The following KCNN2 variants were observed in gnomAD, a reference collection of about 807,000 sequenced individuals.
The protein encoded by KCNN2 is potassium calcium-activated channel subfamily N member 2.
A neutral mutation model predicts 55.5 loss-of-function variants in KCNN2; 24 were observed. That is an observed-to-expected ratio of 0.43 (90% CI 0.31 to 0.61). The LOEUF is 0.61. Among genes scored for constraint, KCNN2 ranks in the 20% least tolerant of loss-of-function variants. The pLI, the probability that KCNN2 is intolerant of heterozygous loss-of-function variation, is 0.08. For missense variants in KCNN2, 754 were observed against 853.6 expected (o/e 0.88, Z 1.45); for synonymous variants, 431 against 336.1 (o/e 1.28, Z -3.09).
intron 1 of KCNN2, among the ~76,000 whole-genome samples, chr5:114,187,485 G>T (rs1190934257): frequency 6.8e-6 from 1 of 146,556 alleles, no homozygotes; most frequent in Non-Finnish European, 1.5e-5. Context: ...CTATTAATAT[G>T]TAAATAGATG....
intron 1 of KCNN2, among the ~76,000 whole-genome samples, chr5:114,086,984 TGTGAGATGGTATCTCATC>T (rs371401631): frequency 0.027 from 4,051 of 152,202 alleles, 185 homozygotes; most frequent in African/African-American, 0.092. Flanking sequence ...TTCTGATTGG[TGTGAGATGGTATCTCATC>T]GTGGTTCTGT....
chr5:114,381,746 G>A (rs1452210777), intron 2 of KCNN2, among the ~76,000 whole-genome samples: 1 of 152,102 alleles, frequency 6.6e-6, no homozygotes, highest in East Asian at 1.9e-4. Context: ...TTTGTTACTG[G>A]TTTTTAAGCC....
At chr5:114,399,333 T>A (rs1244917948) in intron 2 of KCNN2, among the ~76,000 whole-genome samples, 1 of 152,220 alleles carries the variant, frequency 6.6e-6, no homozygotes, top group Non-Finnish European at 1.5e-5. Flanking sequence ...GCCATAGACC[T>A]TTTCTGCATC....
At chr5:114,121,216 G>T (rs1751824546) in intron 1 of KCNN2, among the ~76,000 whole-genome samples, 1 of 152,156 alleles carries the variant, frequency 6.6e-6, no homozygotes, top group Non-Finnish European at 1.5e-5. Flanking sequence ...TGCACCTATG[G>T]TATCATCCCA....
intron 2 of KCNN2, among the ~76,000 whole-genome samples, chr5:114,378,058 G>A (rs547241949): frequency 1.8e-4 from 27 of 152,310 alleles, no homozygotes; most frequent in Non-Finnish European, 2.6e-4. Context: ...GAAAGTTCTC[G>A]TAAGAGGGAC....
intron 1 of KCNN2, among the ~76,000 whole-genome samples, chr5:114,119,807 C>CTA (rs1751789639): frequency 6.6e-6 from 1 of 152,104 alleles, no homozygotes; most frequent in Admixed American, 6.5e-5. Context: ...AGCAAAGTGA[C>CTA]TATAGCCCAA....
chr5:114,385,361 A>T (rs1019179150), intron 2 of KCNN2, among the ~76,000 whole-genome samples: 11 of 152,158 alleles, frequency 7.2e-5, no homozygotes, highest in African/African-American at 2.4e-4. Context: ...TACTTAATTT[A>T]CATAACTGAC....
At chr5:114,332,351 A>G (rs1381755054) in intron 2 of KCNN2, among the ~76,000 whole-genome samples, 1 of 152,150 alleles carries the variant, frequency 6.6e-6, no homozygotes, top group African/African-American at 2.4e-5. Context: ...GACAAAAGAG[A>G]ACTCCCCTCC....
Position 114,266,889 on chromosome 5 carries a change from A to C in KCNN2, c.-185+45324A>C, listed in dbSNP as rs1165122620. 3.3e-5 allele frequency among the ~76,000 whole-genome samples: 5 copies of C among 151,766 alleles called. No individual in the cohort carries two copies. In the East Asian group the frequency reaches 9.7e-4, roughly 29 times the overall value. Reference sequence around the variant, plus strand: ...CCTAAGATGTCTTATATATGCCCACACTGTATTCATAAGATGATGTGAGAA... The same window carrying C: ...CCTAAGATGTCTTATATATGCCCACCCTGTATTCATAAGATGATGTGAGAA... On this transcript the variant is annotated intron_variant, in intron 2 of 10. Coordinates refer to the KCNN2 transcript ENST00000512097.
chr5:114,490,234 T>G (rs1391285460), intron 6 of KCNN2, among the ~76,000 whole-genome samples: 1 of 152,160 alleles, frequency 6.6e-6, no homozygotes, highest in Non-Finnish European at 1.5e-5. Flanking sequence ...ATCATGAGAG[T>G]TGGATTACCT....
chr5:114,132,624 C>G (rs986818568), intron 1 of KCNN2, among the ~76,000 whole-genome samples: 1 of 152,076 alleles, frequency 6.6e-6, no homozygotes, highest in Non-Finnish European at 1.5e-5. Flanking sequence ...GAAGCATAGA[C>G]TCTAATGGTT....
intron 2 of KCNN2, among the ~76,000 whole-genome samples, chr5:114,246,145 T>C (rs1754744857): frequency 6.6e-6 from 1 of 152,198 alleles, no homozygotes; most frequent in South Asian, 2.1e-4. Context: ...AATGTAATTT[T>C]CTCTATAAAA....
chr5:114,245,571 G>A (rs1241096408), intron 2 of KCNN2, among the ~76,000 whole-genome samples: 1 of 152,086 alleles, frequency 6.6e-6, no homozygotes, highest in African/African-American at 2.4e-5. Context: ...GCTGCCTTTT[G>A]GTTTATAGTG....
intron 6 of KCNN2, chr5:114,490,724 C>A: frequency 2.5e-6 from 1 of 398,146 alleles, no homozygotes; most frequent in Non-Finnish European, 4.4e-6. Flanking sequence ...CCGCTCCTTT[C>A]AACATTTGCA....
At chr5:114,271,805 C>G (rs1412122386) in intron 2 of KCNN2, among the ~76,000 whole-genome samples, 1 of 152,116 alleles carries the variant, frequency 6.6e-6, no homozygotes, top group Admixed American at 6.6e-5. Flanking sequence ...CTGGCTGTGT[C>G]AATTCCAAAC....
intron 1 of KCNN2, among the ~76,000 whole-genome samples, chr5:114,213,952 C>T (rs1002057510): frequency 2.4e-4 from 36 of 151,974 alleles, no homozygotes; most frequent in African/African-American, 8.7e-4. Context: ...ACAACACTAA[C>T]ATTTATTGAG....
chr5:114,441,380 C>T (rs1482751091), intron 3 of KCNN2, among the ~76,000 whole-genome samples: 1 of 152,058 alleles, frequency 6.6e-6, no homozygotes, highest in Non-Finnish European at 1.5e-5. Context: ...AGATACATTC[C>T]CTTCCAGCAC....
In KCNN2 at chr5:114,267,204, A is replaced by G. The variant is rs1311174174; in HGVS notation, c.-185+45639A>G. Among the ~76,000 whole-genome samples the G allele has an allele frequency of 3.9e-5, 6 of 152,170 alleles. No homozygotes were observed. The East Asian group carries it at 9.6e-4, about 24-fold the overall frequency. ...GAGACGGGGTTTCACCATATTGGCC[A>G]GGATGGTCTCGATCTCTTGACCTCG... On this transcript the variant is annotated intron_variant, in intron 2 of 10. Transcript: ENST00000512097.
In KCNN2 at chr5:114,404,839, T is replaced by C. The variant is rs1285198261; in HGVS notation, c.1620T>C (p.Thr540=). ...CATTATGGATAATTGCCGCATGGAC[T>C]GTCCGAGCTTGTGAAAGGTAAGTTT... ...SISLWIIAAW[T]VRACERYHDQ... Residue 540 remains threonine, a synonymous_variant, in exon 3 of 8, where the codon ACT becomes ACC. Coordinates refer to ENST00000673685, the MANE Select transcript of KCNN2 (RefSeq NM_021614.4). 3 of 1,605,350 alleles carry C rather than the reference T, an allele frequency of 1.9e-6. No individual in the cohort carries two copies. Among genetic ancestry groups the C allele is most frequent in the Non-Finnish European group, 1.7e-6 (2 of 1,173,502 alleles).
Sources: allele counts gnomAD v4.1 joint callset (sites outside exome capture counted in the v4.1 genomes callset), GRCh38; gene constraint gnomAD v4.1.1; transcripts MANE v1.5; gene names NCBI Gene and HGNC (gene_info 2026-07-23, HGNC 2026-07-21).